DBH: variants seen among roughly 807,000 people sequenced by gnomAD.
DBH encodes the protein dopamine beta-hydroxylase, also known as dopamine beta-hydroxylase (dopamine beta-monooxygenase).
A neutral mutation model predicts 64.0 loss-of-function variants in DBH; 49 were observed. The ratio of observed to expected loss-of-function variants is 0.77; its 90% CI spans 0.61 to 0.97. DBH has a LOEUF of 0.97. DBH is among the 50% of genes least tolerant of loss of function. The pLI, the probability that DBH is intolerant of heterozygous loss-of-function variation, is 0.00. For missense variants in DBH, 828 were observed against 826.6 expected (o/e 1.00, Z -0.02); for synonymous variants, 343 against 347.1 (o/e 0.99, Z 0.13).
At position 133,647,847 on chromosome 9, in the gene DBH, A is replaced by T. The variant is rs751900313; in HGVS notation, c.1026A>T (p.Gly342=). The T allele has an allele frequency of 1.2e-6, 2 of 1,614,182 alleles. No homozygotes were observed. The highest frequency in any genetic ancestry group is 1.7e-5 in the Admixed American group (1 of 60,022). The change falls in exon 6 of 12, where the codon GGA becomes GGT. Residue 342 remains glycine (G), a splice_region_variant and synonymous_variant. Coordinates refer to ENST00000393056, the MANE Select transcript of DBH (RefSeq NM_000787.4). ...VHYHNPLVIE[G]RNDSSGIRLY... is the part of the protein sequence containing the mutation. ...TCCATCCATCCCACCTTCTCCCAGG[A>T]CGAAACGACTCCTCAGGCATCCGCT...
intron 3 of DBH, among the ~76,000 whole-genome samples, chr9:133,642,959 G>T (rs1465169830): frequency 6.6e-6 from 1 of 152,174 alleles, no homozygotes; most frequent in Middle Eastern, 3.2e-3. Flanking sequence ...GTGGCCCAGG[G>T]AGGTTGAGTG....
intron 1 of DBH, among the ~76,000 whole-genome samples, chr9:133,637,759 T>C (rs1194225478): frequency 6.6e-6 from 1 of 152,160 alleles, no homozygotes; most frequent in African/African-American, 2.4e-5. Flanking sequence ...CCCCCTCCAA[T>C]TCCCAAGACT....
chr9:133,655,459 G>A (rs1832304873), intron 9 of DBH: 1 of 152,284 alleles, frequency 6.6e-6, no homozygotes, highest in South Asian at 2.1e-4. Context: ...GCTGGGAAAG[G>A]AGGAATCCGG....
At chr9:133,656,719 G>A (rs1832326620) in intron 10 of DBH, 69 bp downstream of exon 10, 33 of 1,590,462 alleles carry the variant, frequency 2.1e-5, no homozygotes, top group South Asian at 1.1e-4. Context: ...CCTGTTAGGC[G>A]GCTGGGCAGA....
At chr9:133,646,365 G>C (rs1280525180) in intron 5 of DBH, among the ~76,000 whole-genome samples, 1 of 151,924 alleles carries the variant, frequency 6.6e-6, no homozygotes, top group Non-Finnish European at 1.5e-5. Context: ...ATGCATCCGG[G>C]GGCATGGGGC....
chr9:133,637,840 T>C (rs561347302), intron 1 of DBH, among the ~76,000 whole-genome samples: 133 of 152,192 alleles, frequency 8.7e-4, no homozygotes, highest in Non-Finnish European at 1.7e-3. Context: ...TGGAGCTGCC[T>C]GGGAAGGGCC....
At chr9:133,657,351 G>A in intron 11 of DBH, 122 bp downstream of exon 11, 11 of 1,217,344 alleles carry the variant, frequency 9.0e-6, no homozygotes, top group Non-Finnish European at 1.2e-5. Flanking sequence ...GACAATGAGA[G>A]CAAGTGCCAG....
At chr9:133,646,586 C>T (rs975194214) in intron 5 of DBH, among the ~76,000 whole-genome samples, 23 of 152,284 alleles carry the variant, frequency 1.5e-4, no homozygotes, top group Middle Eastern at 3.4e-3. Flanking sequence ...GTGCAATGCA[C>T]GATCTCAGCT....
At chr9:133,657,309 A>C in intron 11 of DBH, 80 bp downstream of exon 11, 1 of 1,557,690 alleles carries the variant, frequency 6.4e-7, no homozygotes, top group Non-Finnish European at 8.8e-7. Flanking sequence ...ATGGGTCTGC[A>C]CTCCAAACTG....
intron 6 of DBH, among the ~76,000 whole-genome samples, chr9:133,650,554 T>TC (rs1249499156): frequency 1.0e-3 from 152 of 146,776 alleles, no homozygotes; most frequent in African/African-American, 3.7e-3. Context: ...TTCCTTTCTT[T>TC]TTTTTTTTTT....
In DBH at chr9:133,658,524, G is replaced by C. The variant is rs777219189; in HGVS notation, c.*77G>C. 2 of 1,450,284 alleles carry C rather than the reference G, an allele frequency of 1.4e-6. No individual in the cohort carries two copies. Among genetic ancestry groups the C allele is most frequent in the Non-Finnish European group, 1.8e-6 (2 of 1,086,250 alleles). 89.8% of individuals were successfully genotyped at this position (1,450,284 alleles called of 1,614,324 possible). ...GGCACTGTGCACTCTACTCTGCGAC[G>C]ATCCCCATGGAACAGCCCTGCACGC... On this transcript the variant is annotated 3_prime_UTR_variant, in exon 12 of 12. Transcript: ENST00000393056.
intron 9 of DBH, chr9:133,655,314 A>G (rs1444766725): frequency 6.6e-6 from 1 of 152,136 alleles, no homozygotes; most frequent in East Asian, 1.9e-4. Flanking sequence ...CCCAGGTGAA[A>G]GAGGAGAACA....
At chr9:133,644,172 G>A (rs1233427542) in intron 4 of DBH, 46 bp from the exon 5 acceptor site, 2 of 1,457,684 alleles carry the variant, frequency 1.4e-6, no homozygotes, top group East Asian at 4.5e-5. Flanking sequence ...CAGACCTGGG[G>A]CCCTCTCAGG....
rs146820764 is a variant in DBH at position 133,636,498 on chromosome 9, C to G, written c.127C>G (p.Arg43Gly). ...GGCCGCACTGCAGGGCTCGGCTCCC[C>G]GTGAGAGCCCCCTCCCCTATCACAT... ...LVAALQGSAP[R>G]ESPLPYHIPL... Residue 43 changes from arginine (R) to glycine (G), a missense_variant, in exon 1 of 12, where the codon CGT (arginine) becomes GGT (glycine). Arg to Gly is a moderately radical substitution (Grantham distance 125). Transcript: ENST00000393056. The G allele has an allele frequency of 6.2e-7, 1 of 1,613,266 alleles. No individual in the cohort carries two copies. The highest frequency in any genetic ancestry group is 1.1e-5 in the South Asian group (1 of 91,078).
Position 133,642,309 on chromosome 9 carries a change from C to A in DBH, c.589C>A (p.Leu197Ile). The A allele has an allele frequency of 6.2e-7, 1 of 1,614,142 alleles. No homozygotes were observed. The highest frequency in any genetic ancestry group is 8.5e-7 in the Non-Finnish European group (1 of 1,180,038). Reference protein sequence around the residue: ...GLQMGLQRVQLLKPNIPEPEL... With the variant: ...GLQMGLQRVQILKPNIPEPEL... ...GCAGATGGGGCTGCAGAGGGTGCAG[C>A]TCCTGAAGCCCAATATCCCCGAACC... Residue 197 changes from leucine (L) to isoleucine (I), a missense_variant, in exon 3 of 12, where the codon CTC (leucine) becomes ATC (isoleucine). Physicochemically the swap from Leu to Ile is conservative, Grantham distance 5. Coordinates refer to ENST00000393056, the MANE Select transcript of DBH (RefSeq NM_000787.4).
intron 5 of DBH, among the ~76,000 whole-genome samples, chr9:133,646,580 A>G (rs1215943762): frequency 6.6e-6 from 1 of 152,146 alleles, no homozygotes; most frequent in Non-Finnish European, 1.5e-5. Context: ...GCTGGAGTGC[A>G]ATGCACGATC....
chr9:133,657,479 G>A (rs1256083012), intron 11 of DBH, among the ~76,000 whole-genome samples: 2 of 144,860 alleles, frequency 1.4e-5, no homozygotes, highest in African/African-American at 2.7e-5. Context: ...AGAGGGAGAG[G>A]GAGAGAGGAG....
intron 2 of DBH, among the ~76,000 whole-genome samples, chr9:133,641,253 G>A (rs1386438853): frequency 6.6e-6 from 1 of 152,216 alleles, no homozygotes; most frequent in Non-Finnish European, 1.5e-5. Flanking sequence ...GACGGGGAGT[G>A]GATGTACCCA....
At chr9:133,641,317 GA>G (rs1832113776) in intron 2 of DBH, among the ~76,000 whole-genome samples, 1 of 152,200 alleles carries the variant, frequency 6.6e-6, no homozygotes, top group Non-Finnish European at 1.5e-5. Flanking sequence ...GTTCTTCCAG[GA>G]GGTTGTTGAG....
Sources: gnomAD v4.1 joint callset for allele counts (sites outside exome capture counted in the v4.1 genomes callset) on GRCh38, gnomAD v4.1.1 for gene constraint, MANE v1.5 for transcripts, NCBI Gene and HGNC (gene_info 2026-07-23, HGNC 2026-07-21) for gene names.